The following UNC13B variants were observed in gnomAD, a reference collection of about 807,000 sequenced individuals.
UNC13B encodes the protein protein unc-13 homolog B.
UNC13B carries 144 observed loss-of-function variants against 211.0 expected under a neutral mutation model. The observed-to-expected ratio is 0.68, with a 90% CI of 0.60 to 0.78. The LOEUF (loss-of-function observed/expected upper bound fraction) is 0.78, where lower values mean the gene tolerates loss of function less well. Among genes scored for constraint, UNC13B ranks in the 30% least tolerant of loss-of-function variants. The pLI is 0.00. For missense variants in UNC13B, 1,777 were observed against 2,002.0 expected, an observed-to-expected ratio of 0.89 and a Z score of 2.14; for synonymous variants, 709 against 725.8, an observed-to-expected ratio of 0.98 and a Z score of 0.37.
intron 27 of UNC13B, 61 bp downstream of exon 27, chr9:35,396,663 T>G: frequency 6.2e-7 from 1 of 1,605,220 alleles, no homozygotes; most frequent in South Asian, 1.1e-5. Flanking sequence ...AGGGCTAGTA[T>G]CCCCAATTCA....
intron 7 of UNC13B, among the ~76,000 whole-genome samples, chr9:35,284,796 A>G (rs546779311): frequency 1.3e-5 from 2 of 152,180 alleles, no homozygotes; most frequent in Admixed American, 6.5e-5. Flanking sequence ...ACAATTTAGT[A>G]GTTGATAGGT....
At position 35,378,296 on chromosome 9, in the gene UNC13B, G is replaced by A. The variant is rs775720468; in HGVS notation, c.10065G>A (p.Val3355=). Reference sequence around the variant, plus strand: ...CTCCTATACATGCTTGGGTTGCAGTGGTGTGTGCCCAGGGCCTACAAGCCA... The same window carrying A: ...CTCCTATACATGCTTGGGTTGCAGTAGTGTGTGCCCAGGGCCTACAAGCCA... ...SKWSAKITIT[V]VCAQGLQAKD... The change falls in exon 17 of 40, where the codon GTG becomes GTA. Residue 3355 remains valine (V), a splice_region_variant and synonymous_variant. Transcript: ENST00000635942. 6.2e-7 allele frequency: 1 copy of A among 1,614,146 alleles called. No individual in the cohort carries two copies. Among genetic ancestry groups the A allele is most frequent in the Non-Finnish European group, 8.5e-7 (1 of 1,180,026 alleles).
intron 5 of UNC13B, among the ~76,000 whole-genome samples, chr9:35,240,159 T>A (rs1660175791): frequency 6.6e-6 from 1 of 152,228 alleles, no homozygotes; most frequent in Non-Finnish European, 1.5e-5. Context: ...GGGGAACTAA[T>A]AAATGTCCAT....
chr9:35,230,610 G>T (rs1271966193), intron 2 of UNC13B, among the ~76,000 whole-genome samples: 3 of 151,836 alleles, frequency 2.0e-5, no homozygotes, highest in African/African-American at 4.8e-5. Context: ...CAGCTCTGCA[G>T]TTCTTTATCA....
At chr9:35,260,426 G>A (rs1827208866) in intron 7 of UNC13B, among the ~76,000 whole-genome samples, 1 of 152,140 alleles carries the variant, frequency 6.6e-6, no homozygotes, top group Non-Finnish European at 1.5e-5. Flanking sequence ...GCTAGTAACT[G>A]GTGAAGTAAA....
chr9:35,294,826 T>G (rs1160102024), intron 7 of UNC13B, among the ~76,000 whole-genome samples: 1 of 152,204 alleles, frequency 6.6e-6, no homozygotes, highest in Non-Finnish European at 1.5e-5. Context: ...TGAGCTCCCT[T>G]TCCAAGCACA....
At chr9:35,389,141 C>T (rs1332871322) in intron 24 of UNC13B, among the ~76,000 whole-genome samples, 4 of 152,138 alleles carry the variant, frequency 2.6e-5, no homozygotes, top group African/African-American at 7.2e-5. Context: ...ATGTGTGTTC[C>T]ACCCTCCCTG....
chr9:35,328,570 A>G (rs1478633542), intron 11 of UNC13B, among the ~76,000 whole-genome samples: 1 of 151,878 alleles, frequency 6.6e-6, no homozygotes, highest in Non-Finnish European at 1.5e-5. Context: ...AAAAAACCAG[A>G]GTGCCTGGCT....
chr9:35,196,286 A>T (rs1032358765), intron 1 of UNC13B, among the ~76,000 whole-genome samples: 4 of 152,226 alleles, frequency 2.6e-5, no homozygotes, highest in Non-Finnish European at 5.9e-5. Flanking sequence ...AAACAAGGGA[A>T]CTAGTGCCAC....
At chr9:35,227,635 G>A (rs750740951) in intron 1 of UNC13B, among the ~76,000 whole-genome samples, 9 of 152,152 alleles carry the variant, frequency 5.9e-5, no homozygotes, top group Non-Finnish European at 1.2e-4. Flanking sequence ...GGCCTGTTAT[G>A]CTCTTCTTTT....
intron 8 of UNC13B, among the ~76,000 whole-genome samples, chr9:35,298,602 G>C (rs1182264471): frequency 6.6e-6 from 1 of 152,158 alleles, no homozygotes; most frequent in Admixed American, 6.5e-5. Context: ...TTACAGGTGA[G>C]AGCCACTGCA....
intron 37 of UNC13B, chr9:35,402,066 C>A: frequency 6.7e-7 from 1 of 1,492,428 alleles, no homozygotes; most frequent in Non-Finnish European, 9.1e-7. Context: ...CCCCTGGGAG[C>A]TAGAATGAGC....
intron 6 of UNC13B, among the ~76,000 whole-genome samples, chr9:35,258,346 G>T (rs1187402654): frequency 6.6e-6 from 1 of 152,012 alleles, no homozygotes; most frequent in Non-Finnish European, 1.5e-5. Context: ...CTTCTAAATC[G>T]GGCCCATCCT....
chr9:35,384,858 T>G (rs1030777422), intron 22 of UNC13B: 1 of 696,124 alleles, frequency 1.4e-6, no homozygotes, highest in Non-Finnish European at 1.8e-6. Flanking sequence ...GTTTCTTAGT[T>G]CCTCCTATGT....
At chr9:35,328,381 T>C (rs188316154) in intron 11 of UNC13B, among the ~76,000 whole-genome samples, 1 of 152,206 alleles carries the variant, frequency 6.6e-6, no homozygotes, top group East Asian at 1.9e-4. Context: ...CTATTGACAC[T>C]GAAAAGAGCA....
chr9:35,310,541 A>G lies in UNC13B; in HGVS notation c.9083A>G (p.Gln3028Arg), dbSNP rs1401268383. 2.0e-5 allele frequency: 32 copies of G among 1,614,048 alleles called. No individual in the cohort carries two copies. The highest frequency in any genetic ancestry group is 2.6e-5 in the Non-Finnish European group (31 of 1,180,040). ...QGSSQLSELD[Q>R]YHEQDDDHRE... ...AGCTCTCAGCTAAGTGAACTAGACC[A>G]GTATCACGAACAAGATGACGACCAT... The change falls in exon 10 of 40, where the codon CAG (glutamine) becomes CGG (arginine). Residue 3028 changes from glutamine to arginine, a missense_variant. By Grantham distance (43) the Gln-to-Arg change is conservative (BLOSUM62 1). Transcript: ENST00000635942.
intron 5 of UNC13B, among the ~76,000 whole-genome samples, chr9:35,241,962 G>T (rs1033933510): frequency 6.6e-6 from 1 of 152,128 alleles, no homozygotes; most frequent in African/African-American, 2.4e-5. Flanking sequence ...AAAGGAAAGG[G>T]CTATATTTGC....
intron 1 of UNC13B, among the ~76,000 whole-genome samples, chr9:35,200,703 T>C (rs112838318): frequency 2.0e-5 from 3 of 152,222 alleles, no homozygotes; most frequent in African/African-American, 7.2e-5. Context: ...GAGACTTTCC[T>C]GAAGTTGCTT....
rs918196662 is a variant in UNC13B, at chr9:35,303,683, C to T, written c.4279C>T (p.Pro1427Ser). 1 of 398,600 alleles carries T rather than the reference C, an allele frequency of 2.5e-6. No individual in the cohort carries two copies. The highest frequency in any genetic ancestry group is 4.4e-6 in the Non-Finnish European group (1 of 225,848). The allele number at this position is 398,600 out of a possible 1,614,324, so 24.7% of individuals were successfully genotyped here. A position where few individuals can be genotyped will look rare whatever the true frequency, so the allele number is the denominator to read the frequency against. Reference protein sequence around the residue: ...NPNSVIWCDLPYESFNQLAFN... With the variant: ...NPNSVIWCDLSYESFNQLAFN... The stretch of plus-strand genomic sequence containing the variant: ...AAACAGTGTCATTTGGTGTGACTTA[C>T]CATATGAATCATTCAATCAGTTAGC... The change falls in exon 9 of 40, where the codon CCA becomes TCA. Residue 1427 changes from proline (P) to serine (S), a missense_variant. Transcript: ENST00000635942.
Sources: allele counts gnomAD v4.1 joint callset (sites outside exome capture counted in the v4.1 genomes callset), GRCh38; gene constraint gnomAD v4.1.1; transcripts MANE v1.5; gene names NCBI Gene and HGNC (gene_info 2026-07-23, HGNC 2026-07-21).